Variants in RIMS2 observed in about 807,000 individuals in gnomAD.
RIMS2 encodes regulating synaptic membrane exocytosis 2.
In RIMS2, 59 loss-of-function variants were observed where a neutral mutation model predicts 174.4. That is an observed-to-expected ratio of 0.34 (90% CI 0.27 to 0.42). RIMS2 has a LOEUF of 0.42. Among genes scored for constraint, RIMS2 ranks in the 10% least tolerant of loss-of-function variants. The pLI is 1.00. For synonymous variants in RIMS2, 606 were observed against 572.5 expected, an observed-to-expected ratio of 1.06 and a Z score of -0.84; for missense variants, 1,620 against 1,666.3, an observed-to-expected ratio of 0.97 and a Z score of 0.48.
At chr8:103,941,397 G>C (rs907867631) in intron 13 of RIMS2, among the ~76,000 whole-genome samples, 2 of 152,080 alleles carry the variant, frequency 1.3e-5, no homozygotes, top group Non-Finnish European at 2.9e-5. Context: ...TGAGGTGGGA[G>C]AATTGCTTTA....
chr8:103,750,585 C>T (rs941323538), intron 2 of RIMS2, among the ~76,000 whole-genome samples: 1 of 152,034 alleles, frequency 6.6e-6, no homozygotes, highest in African/African-American at 2.4e-5. Context: ...TAATAATCCC[C>T]ACGTGTCAAG....
intron 2 of RIMS2, among the ~76,000 whole-genome samples, chr8:103,728,695 T>G (rs1169719896): frequency 6.6e-6 from 1 of 151,308 alleles, no homozygotes; most frequent in African/African-American, 2.4e-5. Flanking sequence ...TACAGTGTTA[T>G]ACTCAATGTA....
chr8:103,913,203 C>G (rs1390891782), intron 6 of RIMS2, among the ~76,000 whole-genome samples: 1 of 150,664 alleles, frequency 6.6e-6, no homozygotes, highest in Non-Finnish European at 1.5e-5. Flanking sequence ...TGATCTTGAT[C>G]TCTTGACCTT....
At chr8:103,716,951 G>T (rs1202638679) in intron 2 of RIMS2, among the ~76,000 whole-genome samples, 1 of 151,928 alleles carries the variant, frequency 6.6e-6, no homozygotes, top group Non-Finnish European at 1.5e-5. Context: ...GCCCTTAGTG[G>T]TCTAATTTGA....
intron 10 of RIMS2, among the ~76,000 whole-genome samples, chr8:103,927,457 A>G (rs1271379949): frequency 6.6e-6 from 1 of 151,420 alleles, no homozygotes; most frequent in Non-Finnish European, 1.5e-5. Context: ...TTCTTTTTGC[A>G]CTATTCTATT....
At chr8:104,174,419 A>AT (rs1176525009) in intron 19 of RIMS2, among the ~76,000 whole-genome samples, 1 of 151,820 alleles carries the variant, frequency 6.6e-6, no homozygotes, top group African/African-American at 2.4e-5. Context: ...AGAGCTAAAA[A>AT]AAAATAAGTT....
intron 1 of RIMS2, among the ~76,000 whole-genome samples, chr8:103,526,789 G>T (rs1305640403): frequency 1.3e-5 from 2 of 152,126 alleles, no homozygotes; most frequent in Non-Finnish European, 2.9e-5. Context: ...GAAATGGGGA[G>T]TATGTATAGT....
chr8:103,831,281 GA>G (rs2098824214), intron 3 of RIMS2, among the ~76,000 whole-genome samples: 2 of 152,154 alleles, frequency 1.3e-5, no homozygotes, highest in Non-Finnish European at 1.5e-5. Context: ...AATAGTCAAT[GA>G]TTTTTTAAAA....
In RIMS2 at chr8:103,958,907, T is replaced by C. The variant is rs560346273; in HGVS notation, c.2702-2158T>C. Among the ~76,000 whole-genome samples the C allele has an allele frequency of 7.1e-4, 108 of 152,300 alleles. 1 individual carries two copies. Among genetic ancestry groups the C allele is most frequent in the Admixed American group, 4.1e-3 (62 of 15,296 alleles). Reference sequence around the variant, plus strand: ...GAAAGTCTGTTGCCTGTTCATATAGTAGTGATTCTGGAAGTCTCTGTGGGA... The same window carrying C: ...GAAAGTCTGTTGCCTGTTCATATAGCAGTGATTCTGGAAGTCTCTGTGGGA... On this transcript the variant is annotated intron_variant, in intron 14 of 23. Coordinates refer to ENST00000504942, the Ensembl canonical transcript of RIMS2.
chr8:103,891,696 T>C (rs2099246855), intron 4 of RIMS2, among the ~76,000 whole-genome samples: 1 of 152,128 alleles, frequency 6.6e-6, no homozygotes, highest in Non-Finnish European at 1.5e-5. Context: ...TAAGAATACA[T>C]GTGTTTAGTT....
chr8:103,952,749 G>T (rs1439814141), intron 14 of RIMS2, among the ~76,000 whole-genome samples: 1 of 152,096 alleles, frequency 6.6e-6, no homozygotes, highest in Admixed American at 6.5e-5. Flanking sequence ...AACTAAACTG[G>T]ATAGAGAATG....
At chr8:103,804,461 A>G (rs1024610365) in intron 3 of RIMS2, among the ~76,000 whole-genome samples, 1 of 151,144 alleles carries the variant, frequency 6.6e-6, no homozygotes, top group Non-Finnish European at 1.5e-5. Context: ...TGTGGACAAG[A>G]TTATATAAGG....
At chr8:104,095,791 A>G (rs986734998) in intron 19 of RIMS2, among the ~76,000 whole-genome samples, 2 of 152,138 alleles carry the variant, frequency 1.3e-5, no homozygotes, top group Non-Finnish European at 2.9e-5. Context: ...GCCTTATTAT[A>G]TCTAAGCCCA....
At chr8:103,501,032 A>C (rs766053795) in exon 1 of RIMS2, 61 of 1,609,662 alleles carry the variant, frequency 3.8e-5, no homozygotes, top group Non-Finnish European at 5.0e-5. Flanking sequence ...AGGCAGAAGA[A>C]AGAAGAGGAG....
intron 16 of RIMS2, among the ~76,000 whole-genome samples, chr8:103,987,362 C>T (rs960982429): frequency 5.3e-5 from 8 of 151,992 alleles, no homozygotes; most frequent in African/African-American, 1.9e-4. Flanking sequence ...GTCGGTGAGA[C>T]ACCAGAAAAA....
intron 14 of RIMS2, among the ~76,000 whole-genome samples, chr8:103,956,519 A>G (rs1218074248): frequency 6.6e-6 from 1 of 152,226 alleles, no homozygotes; most frequent in Non-Finnish European, 1.5e-5. Context: ...CCTATATAAT[A>G]AATAGTGTTC....
intron 1 of RIMS2, among the ~76,000 whole-genome samples, chr8:103,603,164 C>G (rs1305461212): frequency 2.4e-5 from 3 of 125,532 alleles, no homozygotes; most frequent in Non-Finnish European, 4.8e-5. Flanking sequence ...CACCCCAACA[C>G]AGTCCCCAGA....
chr8:104,227,208 G>C (rs949222747), intron 19 of RIMS2, among the ~76,000 whole-genome samples: 3 of 108,362 alleles, frequency 2.8e-5, no homozygotes, highest in African/African-American at 1.4e-4. Context: ...TATACTTGGA[G>C]CTCTTTTTTT....
At chr8:103,765,751 T>G in intron 2 of RIMS2, among the ~76,000 whole-genome samples, 1 of 152,148 alleles carries the variant, frequency 6.6e-6, no homozygotes, top group Admixed American at 6.5e-5. Flanking sequence ...AAATTATTTC[T>G]AATATTCAGC....
Sources: allele counts gnomAD v4.1 joint callset (sites outside exome capture counted in the v4.1 genomes callset), GRCh38; gene constraint gnomAD v4.1.1; transcripts MANE v1.5; gene names NCBI Gene and HGNC (gene_info 2026-07-23, HGNC 2026-07-21).